Variants in COPB1 observed in about 807,000 individuals in gnomAD.
The protein encoded by COPB1 is coat protein complex I subunit beta 1.
Under a neutral mutation model 108.7 loss-of-function variants are expected in COPB1, and 21 were observed. The observed-to-expected ratio is 0.19, with a 90% CI of 0.14 to 0.28. The LOEUF is 0.28. Among genes scored for constraint, COPB1 ranks in the 10% least tolerant of loss-of-function variants. The pLI is 1.00. For missense variants in COPB1, 919 were observed against 1,141.3 expected (o/e 0.81, Z 2.81); for synonymous variants, 378 against 386.8 (o/e 0.98, Z 0.27).
intron 15 of COPB1, 62 bp from the exon 16 acceptor site, chr11:14,468,922 T>A: frequency 7.3e-7 from 1 of 1,375,314 alleles, no homozygotes. Flanking sequence ...TAGAGGCTTT[T>A]GACAGAGACA....
At chr11:14,459,299 GAA>G (rs980446842) in intron 20 of COPB1, among the ~76,000 whole-genome samples, 17 of 151,814 alleles carry the variant, frequency 1.1e-4, no homozygotes, top group African/African-American at 4.1e-4. Flanking sequence ...CGCCATGAAG[GAA>G]GAGACTACTT....
In COPB1 at chr11:14,492,590, G is replaced by A. The variant is rs527640553; in HGVS notation, c.491+1052C>T. On this transcript the variant is annotated intron_variant, in intron 4 of 21. Coordinates refer to ENST00000439561, the MANE Select transcript of COPB1 (RefSeq NM_001144061.2). ...ACTCCCGACCTCAGGTTATCGGCCC[G>A]CCTCGGCCTCCCAAAGTGCTGGGAT... is the stretch of plus-strand genomic sequence containing the variant. 3.2e-4 allele frequency among the ~76,000 whole-genome samples: 49 copies of A among 151,870 alleles called. 1 individual carries two copies. The East Asian group carries it at 7.8e-3, about 24-fold the overall frequency.
intron 17 of COPB1, 145 bp from the exon 18 acceptor site, chr11:14,465,175 A>T: frequency 8.7e-7 from 1 of 1,148,072 alleles, no homozygotes; most frequent in East Asian, 2.6e-5. Context: ...TATGACGAAT[A>T]TGAGAAGAGT....
chr11:14,492,811 A>T (rs1850937251), intron 4 of COPB1, among the ~76,000 whole-genome samples: 1 of 152,200 alleles, frequency 6.6e-6, no homozygotes, highest in African/African-American at 2.4e-5. Flanking sequence ...AAAACTGAGC[A>T]TTCTAGCTTC....
chr11:14,498,547 A>G (rs1851078582), intron 2 of COPB1, among the ~76,000 whole-genome samples: 1 of 152,196 alleles, frequency 6.6e-6, no homozygotes, highest in Non-Finnish European at 1.5e-5. Flanking sequence ...TTGCCTAGAG[A>G]AAATAATCAG....
At position 14,466,138 on chromosome 11, in the gene COPB1, A is replaced by C. The variant is rs546590927; in HGVS notation, c.2290+144T>G. 1.7e-4 allele frequency: 134 copies of C among 804,682 alleles called. No individual in the cohort carries two copies. In the African/African-American group the frequency reaches 2.2e-3, roughly 14 times the overall value. The allele number at this position is 804,682 out of a possible 1,614,324, so 49.8% of individuals were successfully genotyped here. On this transcript the variant is annotated intron_variant, in intron 17 of 21. Coordinates refer to ENST00000439561, the MANE Select transcript of COPB1 (RefSeq NM_001144061.2). Reference sequence around the variant, plus strand: ...GAAAACTGGAGTTTAAGGAAACTAAATGATAAATGAAAAACTAAGCCTTGA... The same window carrying C: ...GAAAACTGGAGTTTAAGGAAACTAACTGATAAATGAAAAACTAAGCCTTGA...
chr11:14,494,368 G>T lies in COPB1; in HGVS notation c.163C>A (p.Leu55Ile), dbSNP rs754971898. The change falls in exon 3 of 22, where the codon CTT (leucine) becomes ATT (isoleucine). Residue 55 changes from leucine (L) to isoleucine (I), a missense_variant. Transcript: ENST00000439561. ...VIIMILNGEK[L>I]PGLLMTIIRF... Reference sequence around the variant, plus strand: ...ATGATGGTCATCAGAAGTCCAGGAAGTTTTTCACCATTCAGAATCATAATG... The same window carrying T: ...ATGATGGTCATCAGAAGTCCAGGAATTTTTTCACCATTCAGAATCATAATG... The T allele has an allele frequency of 1.5e-5, 24 of 1,613,318 alleles. No individual in the cohort carries two copies. Among genetic ancestry groups the T allele is most frequent in the Non-Finnish European group, 1.9e-5 (23 of 1,179,598 alleles).
In COPB1 at chr11:14,465,039, A is replaced by C. The variant is rs200456445; in HGVS notation, c.2291-9T>G. 8.9e-6 allele frequency: 14 copies of C among 1,577,788 alleles called. No homozygotes were observed. The highest frequency in any genetic ancestry group is 1.1e-5 in the Non-Finnish European group (13 of 1,158,512). ...CACAAGTTTCAGATCCCCTGAAAGAAAGAGTTTGGATATGGTTAAAAATAC... is the reference window on the plus strand; with the variant it reads ...CACAAGTTTCAGATCCCCTGAAAGACAGAGTTTGGATATGGTTAAAAATAC... On this transcript the variant is annotated splice_polypyrimidine_tract_variant and intron_variant, in intron 17 of 21. Coordinates refer to ENST00000439561, the MANE Select transcript of COPB1 (RefSeq NM_001144061.2).
intron 4 of COPB1, among the ~76,000 whole-genome samples, chr11:14,492,479 G>T (rs1850924632): frequency 6.6e-6 from 1 of 152,024 alleles, no homozygotes; most frequent in African/African-American, 2.4e-5. Flanking sequence ...GAGTAGCTAG[G>T]ACTACAGGCA....
chr11:14,476,857 A>G (rs1850531011), intron 12 of COPB1, 62 bp downstream of exon 12: 1 of 1,036,910 alleles, frequency 9.6e-7, no homozygotes, highest in Non-Finnish European at 1.5e-6. Flanking sequence ...CACTATAAAA[A>G]GTCAGATTTT....
In COPB1 at chr11:14,457,806, A is replaced by T. The variant is rs781311582; in HGVS notation, c.*18T>A. 1 of 1,516,392 alleles carries T rather than the reference A, an allele frequency of 6.6e-7. No homozygotes were observed. Among genetic ancestry groups the T allele is most frequent in the South Asian group, 1.1e-5 (1 of 88,080 alleles). 93.9% of individuals were successfully genotyped at this position (1,516,392 alleles called of 1,614,324 possible). A position where few individuals can be genotyped will look rare whatever the true frequency, so the allele number is the denominator to read the frequency against. On this transcript the variant is annotated 3_prime_UTR_variant, in exon 22 of 22. Coordinates refer to ENST00000439561, the MANE Select transcript of COPB1 (RefSeq NM_001144061.2). ...TACCTAAATTAACTGTAAAGCTTCA[A>T]GGACTTTTTGTTTATTTTTATATAC...
chr11:14,465,435 C>A (rs575787427), intron 17 of COPB1, among the ~76,000 whole-genome samples: 1 of 152,102 alleles, frequency 6.6e-6, no homozygotes, highest in Admixed American at 6.5e-5. Context: ...CAGGCTCAAG[C>A]GATCCTCCTA....
chr11:14,470,944 A>ACACACACACACACTCT (rs1285522756), intron 14 of COPB1, among the ~76,000 whole-genome samples: 102 of 90,196 alleles, frequency 1.1e-3, no homozygotes, highest in African/African-American at 5.1e-3. Context: ...ACACACACAC[A>ACACACACACACACTCT]CTCTCTCTCT....
chr11:14,472,511 T>C (rs1439197381), intron 14 of COPB1, among the ~76,000 whole-genome samples: 4 of 152,240 alleles, frequency 2.6e-5, no homozygotes, highest in African/African-American at 4.8e-5. Context: ...AAGTTACTGG[T>C]TGTATTAGCC....
rs1850532957 is a variant in COPB1, at chr11:14,476,910, A to T, written c.1455+9T>A. ...CATATAAACTAACATTTACTAAAGT[A>T]AAACATACCTCTCCAAGGGACCTGC... On this transcript the variant is annotated intron_variant, in intron 12 of 21. Transcript: ENST00000439561. 6.4e-7 allele frequency: 1 copy of T among 1,567,964 alleles called. No homozygotes were observed. The highest frequency in any genetic ancestry group is 8.8e-7 in the Non-Finnish European group (1 of 1,138,818).
chr11:14,472,076 G>A (rs1850418499), intron 14 of COPB1, among the ~76,000 whole-genome samples: 1 of 152,140 alleles, frequency 6.6e-6, no homozygotes, highest in South Asian at 2.1e-4. Flanking sequence ...CATTGCTACA[G>A]GCCCAATTTG....
intron 5 of COPB1, among the ~76,000 whole-genome samples, chr11:14,490,073 C>G (rs1414976306): frequency 6.6e-6 from 1 of 152,094 alleles, no homozygotes; most frequent in East Asian, 1.9e-4. Flanking sequence ...TCAAGGTGTA[C>G]AGAGTAATTG....
intron 11 of COPB1, among the ~76,000 whole-genome samples, chr11:14,477,617 G>A (rs934984162): frequency 3.4e-5 from 5 of 145,558 alleles, no homozygotes; most frequent in Admixed American, 1.4e-4. Context: ...CCTTGAGGCC[G>A]GGCACAGTGG....
At chr11:14,492,478 G>A (rs1332008133) in intron 4 of COPB1, among the ~76,000 whole-genome samples, 1 of 152,024 alleles carries the variant, frequency 6.6e-6, no homozygotes, top group African/African-American at 2.4e-5. Flanking sequence ...TGAGTAGCTA[G>A]GACTACAGGC....
Sources: allele counts gnomAD v4.1 joint callset (sites outside exome capture counted in the v4.1 genomes callset), GRCh38; gene constraint gnomAD v4.1.1; transcripts MANE v1.5; gene names NCBI Gene and HGNC (gene_info 2026-07-23, HGNC 2026-07-21).